Variants in RAB2A observed in about 807,000 individuals in gnomAD.
The protein encoded by RAB2A is ras-related protein Rab-2A.
In RAB2A, 7 loss-of-function variants were observed where a neutral mutation model predicts 32.5. That is an observed-to-expected ratio of 0.22 (90% confidence interval 0.12 to 0.40). The LOEUF (loss-of-function observed/expected upper bound fraction) is 0.40. Ranked by LOEUF, RAB2A falls within the 10% of genes least tolerant of loss-of-function variation. The pLI is 1.00. For synonymous variants in RAB2A, 79 were observed against 85.2 expected, an observed-to-expected ratio of 0.93 and a Z score of 0.40; for missense variants, 108 against 260.7, an observed-to-expected ratio of 0.41 and a Z score of 4.03.
intron 3 of RAB2A, chr8:60,583,979 G>C (rs767973343): frequency 8.0e-6 from 3 of 376,150 alleles, no homozygotes; most frequent in Non-Finnish European, 1.5e-5. Context: ...TGCGGGCTGG[G>C]GAGGTTGCAG....
intron 6 of RAB2A, among the ~76,000 whole-genome samples, chr8:60,596,317 G>A (rs935978921): frequency 1.7e-4 from 26 of 152,234 alleles, no homozygotes; most frequent in Non-Finnish European, 3.8e-4. Context: ...TTAAACTGAA[G>A]AACTTCTGCA....
At chr8:60,568,740 A>G (rs1252565187) in intron 2 of RAB2A, among the ~76,000 whole-genome samples, 2 of 152,208 alleles carry the variant, frequency 1.3e-5, no homozygotes, top group African/African-American at 4.8e-5. Flanking sequence ...GAAAATAAGC[A>G]TCACTCCCCG....
intron 1 of RAB2A, among the ~76,000 whole-genome samples, chr8:60,542,541 T>C (rs1807663233): frequency 1.3e-5 from 2 of 151,948 alleles, no homozygotes; most frequent in South Asian, 4.2e-4. Context: ...ACTTAATAAA[T>C]GTATGCAGAG....
At chr8:60,543,118 C>T (rs7839296) in intron 1 of RAB2A, among the ~76,000 whole-genome samples, 9,698 of 152,178 alleles carry the variant, frequency 0.064, 807 homozygotes, top group African/African-American at 0.19. Flanking sequence ...AAACTAACAA[C>T]GTAAGAGTCT....
chr8:60,578,032 CCTT>C (rs1413028027), intron 3 of RAB2A, among the ~76,000 whole-genome samples: 1 of 152,144 alleles, frequency 6.6e-6, no homozygotes, highest in Non-Finnish European at 1.5e-5. Flanking sequence ...GTTTAGAAAT[CCTT>C]CTTTCCTTCT....
At chr8:60,552,751 A>G (rs1484543783) in intron 1 of RAB2A, 2 of 152,186 alleles carry the variant, frequency 1.3e-5, no homozygotes, top group African/African-American at 4.8e-5. Context: ...AACCCCTCCC[A>G]TCTTCTAAAG....
At position 60,620,714 on chromosome 8, in the gene RAB2A, A is replaced by G. The variant is rs549995165; in HGVS notation, c.584A>G (p.Asn195Ser). Reference sequence around the variant, plus strand: ...ATTGGCCCTCAGCATGCTGCTACCAATGCAACACATGCAGGCAATCAGGGA... The same window carrying G: ...ATTGGCCCTCAGCATGCTGCTACCAGTGCAACACATGCAGGCAATCAGGGA... ...IKIGPQHAATNATHAGNQGGQ... is the reference protein window; with the variant it reads ...IKIGPQHAATSATHAGNQGGQ... Residue 195 changes from asparagine (N) to serine (S), a missense_variant, in exon 8 of 8, where the codon AAT (asparagine) becomes AGT (serine). Physicochemically the swap from Asn to Ser is conservative, Grantham distance 46 (BLOSUM62 1). Transcript: ENST00000262646. 13 of 1,613,884 alleles carry G rather than the reference A, an allele frequency of 8.1e-6. No homozygotes were observed. In the South Asian group the frequency reaches 8.8e-5, roughly 11 times the overall value.
intron 1 of RAB2A, among the ~76,000 whole-genome samples, chr8:60,544,807 C>CT (rs1280753106): frequency 6.6e-6 from 1 of 152,130 alleles, no homozygotes; most frequent in African/African-American, 2.4e-5. Flanking sequence ...GGTGTTAAAA[C>CT]TGTAAAGCCT....
At chr8:60,611,396 A>G (rs534646924) in intron 6 of RAB2A, among the ~76,000 whole-genome samples, 34 of 152,260 alleles carry the variant, frequency 2.2e-4, no homozygotes, top group Non-Finnish European at 4.1e-4. Context: ...TTCCTAATAT[A>G]TGAGTGGGAG....
At chr8:60,605,887 G>T (rs917018927) in intron 6 of RAB2A, among the ~76,000 whole-genome samples, 1 of 145,296 alleles carries the variant, frequency 6.9e-6, no homozygotes, top group Non-Finnish European at 1.5e-5. Flanking sequence ...GGTGGCTCAC[G>T]CCTATAATCC....
At chr8:60,548,850 G>T (rs1807793569) in intron 1 of RAB2A, among the ~76,000 whole-genome samples, 1 of 151,552 alleles carries the variant, frequency 6.6e-6, no homozygotes, top group South Asian at 2.1e-4. Context: ...GGACGAGGTG[G>T]CTGCCGGGCA....
chr8:60,587,867 A>G (rs1261933226), intron 5 of RAB2A, among the ~76,000 whole-genome samples: 1 of 152,248 alleles, frequency 6.6e-6, no homozygotes, highest in Admixed American at 6.5e-5. Context: ...ATTTATATCT[A>G]GAATATATGA....
intron 2 of RAB2A, among the ~76,000 whole-genome samples, chr8:60,563,042 A>G (rs574616691): frequency 6.2e-4 from 95 of 152,294 alleles, no homozygotes; most frequent in African/African-American, 2.2e-3. Context: ...TTATTATCAC[A>G]TATTTTTAAA....
At chr8:60,598,866 G>T (rs1330612818) in intron 6 of RAB2A, among the ~76,000 whole-genome samples, 1 of 121,068 alleles carries the variant, frequency 8.3e-6, no homozygotes, top group Admixed American at 1.2e-4. Context: ...CTTAGATTAG[G>T]AACAAAGCAG....
At chr8:60,593,770 G>C (rs1387221146) in intron 6 of RAB2A, among the ~76,000 whole-genome samples, 4 of 152,102 alleles carry the variant, frequency 2.6e-5, no homozygotes, top group Admixed American at 2.6e-4. Flanking sequence ...AATGACAGTG[G>C]TGTTTGAATT....
At chr8:60,525,611 CTTTAGG>C (rs1313936897) in intron 1 of RAB2A, among the ~76,000 whole-genome samples, 1 of 152,192 alleles carries the variant, frequency 6.6e-6, no homozygotes, top group East Asian at 1.9e-4. Context: ...CATAATGTAG[CTTTAGG>C]TTTCTCCCAG....
intron 5 of RAB2A, among the ~76,000 whole-genome samples, chr8:60,585,614 A>G (rs1367622794): frequency 6.6e-6 from 1 of 152,304 alleles, no homozygotes; most frequent in East Asian, 1.9e-4. Flanking sequence ...CACCCGGCCC[A>G]TTCATTCTTT....
At chr8:60,549,720 A>G (rs928726016) in intron 1 of RAB2A, among the ~76,000 whole-genome samples, 11 of 152,062 alleles carry the variant, frequency 7.2e-5, no homozygotes, top group Admixed American at 2.0e-4. Flanking sequence ...ATCCCAGCAT[A>G]AATTTTTTTA....
rs547662079 is a variant in RAB2A at position 60,540,632 on chromosome 8, A to C, written c.47-18220A>C. ...GTAGCTGGGATTACAGGCATGTGCC[A>C]CCACGCCTGGCTAATTTTGTTACAT... On this transcript the variant is annotated intron_variant, in intron 1 of 7. Transcript: ENST00000262646. 4.6e-5 allele frequency among the ~76,000 whole-genome samples: 7 copies of C among 152,304 alleles called. No individual in the cohort carries two copies. The South Asian group carries it at 1.5e-3, about 32-fold the overall frequency.
Sources: allele counts gnomAD v4.1 joint callset (sites outside exome capture counted in the v4.1 genomes callset), GRCh38; gene constraint gnomAD v4.1.1; transcripts MANE v1.5; gene names NCBI Gene and HGNC (gene_info 2026-07-23, HGNC 2026-07-21).